Variants in ACTG1 observed in about 807,000 individuals in gnomAD.
The protein encoded by ACTG1 is actin, cytoplasmic 2.
A neutral mutation model predicts 34.3 loss-of-function variants in ACTG1; 14 were observed. The ratio of observed to expected loss-of-function variants is 0.41; its 90% CI spans 0.27 to 0.64. The LOEUF is 0.64. Among genes scored for constraint, ACTG1 ranks in the 30% least tolerant of loss-of-function variants. The pLI is 0.33. For synonymous variants in ACTG1, 422 were observed against 213.9 expected (o/e 1.97, Z -8.49); for missense variants, 233 against 529.5 (o/e 0.44, Z 5.50).
chr17:81,512,681 C>A (rs2031893912), intron 1 of ACTG1, 53 bp downstream of exon 1: 1 of 400,616 alleles, frequency 2.5e-6, no homozygotes, highest in Non-Finnish European at 4.7e-6. Flanking sequence ...CAGCCGGGGT[C>A]GGGGGGCGCA....
In ACTG1 at chr17:81,512,578, G is replaced by GGCGCCCCCCCA. The variant is rs2031884991; in HGVS notation, c.-7+145_-7+155dup. On this transcript the variant is annotated intron_variant, in intron 1 of 5. Coordinates refer to ENST00000573283, the MANE Select transcript of ACTG1 (RefSeq NM_001614.5). ...CGGCCGGGCCCCGCCCTGGACCCCC[G>GGCGCCCCCCCA]GCGCCCCCCCAGCCCCGTCCGCCTG... is the stretch of plus-strand genomic sequence containing the variant. The GGCGCCCCCCCA allele has an allele frequency of 2.9e-5, 21 of 729,484 alleles. No individual in the cohort carries two copies. In the East Asian group the frequency reaches 6.0e-4, roughly 21 times the overall value. 45.2% of individuals were successfully genotyped at this position (729,484 alleles called of 1,614,324 possible).
chr17:81,510,681 T>C lies in ACTG1; in HGVS notation c.*9A>G, dbSNP rs1334438057. ...CATGCAGCAAATGCTACGCATCTGC[T>C]GAGTCCGTTTAGAAGCATTTGCGGT... On this transcript the variant is annotated 3_prime_UTR_variant, in exon 6 of 6. Transcript: ENST00000573283. 1 of 1,613,914 alleles carries C rather than the reference T, an allele frequency of 6.2e-7. No homozygotes were observed. The highest frequency in any genetic ancestry group is 8.5e-7 in the Non-Finnish European group (1 of 1,179,978).
In ACTG1 at chr17:81,510,081, C is replaced by T. The variant is rs1444172034; in HGVS notation, c.*609G>A. 17 of 457,120 alleles carry T rather than the reference C, an allele frequency of 3.7e-5. No individual in the cohort carries two copies. The highest frequency in any genetic ancestry group is 6.9e-5 in the East Asian group (1 of 14,420). 28.3% of individuals were successfully genotyped at this position (457,120 alleles called of 1,614,324 possible). ...ATTTGTTGTCATCTCTTCAAAGAATCGAGAATTGCGTACAAAAAAAACCTT... is the reference window on the plus strand; with the variant it reads ...ATTTGTTGTCATCTCTTCAAAGAATTGAGAATTGCGTACAAAAAAAACCTT... On this transcript the variant is annotated 3_prime_UTR_variant, in exon 6 of 6. Coordinates refer to ENST00000573283, the MANE Select transcript of ACTG1 (RefSeq NM_001614.5).
At chr17:81,511,841 A>T in intron 3 of ACTG1, 62 bp downstream of exon 3, 1 of 1,609,956 alleles carries the variant, frequency 6.2e-7, no homozygotes, top group Non-Finnish European at 8.5e-7. Context: ...GTCAGAAATC[A>T]AGCCGGGCAG....
At chr17:81,511,154 G>GT (rs782716028) in intron 4 of ACTG1, 34 bp downstream of exon 4, 12 of 1,613,618 alleles carry the variant, frequency 7.4e-6, no homozygotes, top group African/African-American at 1.3e-5. Flanking sequence ...CACCGAGGAT[G>GT]TAAGAGTAGA....
chr17:81,511,397 T>TA lies in ACTG1; in HGVS notation c.592dup (p.Tyr198LeufsTer56). ...CCGCTCGGCCGTGGTGGTGAAGCTG[T>TA]AGCCTCGCTCAGTGAGGATCTTCAT... On this transcript the variant is annotated frameshift_variant, in exon 4 of 6. Coordinates refer to ENST00000573283, the MANE Select transcript of ACTG1 (RefSeq NM_001614.5). LOFTEE classifies it high-confidence loss of function. The TA allele has an allele frequency of 6.2e-7, 1 of 1,613,940 alleles. No homozygotes were observed. Among genetic ancestry groups the TA allele is most frequent in the East Asian group, 2.2e-5 (1 of 44,880 alleles).
Position 81,510,582 on chromosome 17 carries a change from G to T in ACTG1, c.*108C>A, listed in dbSNP as rs782660741. 19 of 1,400,684 alleles carry T rather than the reference G, an allele frequency of 1.4e-5. No homozygotes were observed. In the South Asian group the frequency reaches 2.2e-4, roughly 16 times the overall value. 86.8% of individuals were successfully genotyped at this position (1,400,684 alleles called of 1,614,324 possible). On this transcript the variant is annotated 3_prime_UTR_variant, in exon 6 of 6. Coordinates refer to ENST00000573283, the MANE Select transcript of ACTG1 (RefSeq NM_001614.5). ...CTTCAAGGACAATTTCTTTTCGAAG[G>T]CTTATTCCAGTTTCGTGAGGCTAGC...
In ACTG1 at chr17:81,510,026, AATG is replaced by A. The variant is rs1555665979; in HGVS notation, c.*661_*663del. ...ACACAATGACGTGTTGCTGGGGCCT[AATG>A]TTCTCACATAACAGTAGAAAACCAA... On this transcript the variant is annotated 3_prime_UTR_variant, in exon 6 of 6. Coordinates refer to ENST00000573283, the MANE Select transcript of ACTG1 (RefSeq NM_001614.5). 1 of 441,176 alleles carries A rather than the reference AATG, an allele frequency of 2.3e-6. No individual in the cohort carries two copies. The highest frequency in any genetic ancestry group is 2.0e-5 in the African/African-American group (1 of 49,062). 27.3% of individuals were successfully genotyped at this position (441,176 alleles called of 1,614,324 possible). A position where few individuals can be genotyped will look rare whatever the true frequency, so the allele number is the denominator to read the frequency against.
In ACTG1 at chr17:81,512,761, C is replaced by G. The variant is rs1038263082; in HGVS notation, c.-34G>C. 3 of 413,298 alleles carry G rather than the reference C, an allele frequency of 7.3e-6. No individual in the cohort carries two copies. Among genetic ancestry groups the G allele is most frequent in the African/African-American group, 2.2e-5 (1 of 45,528 alleles). The allele number at this position is 413,298 out of a possible 1,614,324, so 25.6% of individuals were successfully genotyped here. ...GCAGAGAAACGCGACGGCGGAGCGGCGGAAGAACAGAGTGCGAGAGCTGGC... is the reference window on the plus strand; with the variant it reads ...GCAGAGAAACGCGACGGCGGAGCGGGGGAAGAACAGAGTGCGAGAGCTGGC... On this transcript the variant is annotated 5_prime_UTR_variant, in exon 1 of 6. Transcript: ENST00000573283.
Position 81,512,256 on chromosome 17 carries a change from G to A in ACTG1, c.99C>T (p.Ser33=), listed in dbSNP as rs11549238. ...GDDAPRAVFP[S]IVGRPRHQGV... is the part of the protein sequence containing the mutation. ...CCTGGTGTCTGGGGCGCCCGACGAT[G>A]GAAGGAAACACGGCTCGGGGAGCGT... The change falls in exon 2 of 6, where the codon TCC becomes TCT. Residue 33 remains serine, a synonymous_variant. Transcript: ENST00000573283. The A allele has an allele frequency of 1.9e-5, 31 of 1,613,704 alleles. No homozygotes were observed. Among genetic ancestry groups the A allele is most frequent in the Non-Finnish European group, 2.3e-5 (27 of 1,179,976 alleles).
chr17:81,511,900 C>T lies in ACTG1; in HGVS notation c.363+3G>A, dbSNP rs199905564. 166 of 1,614,126 alleles carry T rather than the reference C, an allele frequency of 1.0e-4. No homozygotes were observed. The East Asian group carries it at 1.8e-3, about 17-fold the overall frequency. ...AGGAGCACGGGCGTCGGCCGAGCCT[C>T]ACCTGAGTCATCTTCTCTCTGTTGG... On this transcript the variant is annotated splice_donor_region_variant and intron_variant, in intron 3 of 5. Coordinates refer to ENST00000573283, the MANE Select transcript of ACTG1 (RefSeq NM_001614.5).
chr17:81,512,554 G>C (rs1249032076), intron 1 of ACTG1, 180 bp downstream of exon 1: 3 of 894,240 alleles, frequency 3.4e-6, no homozygotes, highest in Non-Finnish European at 5.1e-6. Flanking sequence ...TCTGCACTGC[G>C]GCCGGGCCCC....
At chr17:81,512,440 G>A (rs957866281) in intron 1 of ACTG1, 80 bp from the exon 2 acceptor site, 17 of 1,610,742 alleles carry the variant, frequency 1.1e-5, no homozygotes, top group African/African-American at 4.0e-5. Context: ...CCCTCCCGCG[G>A]GGAAGCCTCG....
Position 81,512,714 on chromosome 17 carries a change from C to A in ACTG1, c.-7+20G>T. ...GCAGGCCTGCGACGTCCAGCTCAGG[C>A]CCCGGGGCGGGGCGCTCACCGGCAG... On this transcript the variant is annotated intron_variant, in intron 1 of 5. Coordinates refer to ENST00000573283, the MANE Select transcript of ACTG1 (RefSeq NM_001614.5). 4.9e-6 allele frequency: 2 copies of A among 406,404 alleles called. No individual in the cohort carries two copies. The highest frequency in any genetic ancestry group is 9.4e-6 in the Non-Finnish European group (2 of 212,402). 25.2% of individuals were successfully genotyped at this position (406,404 alleles called of 1,614,324 possible). A position where few individuals can be genotyped will look rare whatever the true frequency, so the allele number is the denominator to read the frequency against.
chr17:81,511,670 C>G (rs528687538), intron 3 of ACTG1, 44 bp from the exon 4 acceptor site: 8 of 1,587,204 alleles, frequency 5.0e-6, no homozygotes, highest in Non-Finnish European at 6.9e-6. Flanking sequence ...CAGAGACCCA[C>G]GGCCACCCCA....
chr17:81,510,577 C>A lies in ACTG1; in HGVS notation c.*113G>T, dbSNP rs782815181. The A allele has an allele frequency of 1.5e-5, 20 of 1,371,802 alleles. No homozygotes were observed. The highest frequency in any genetic ancestry group is 1.4e-4 in the African/African-American group (10 of 69,982). 85.0% of individuals were successfully genotyped at this position (1,371,802 alleles called of 1,614,324 possible). On this transcript the variant is annotated 3_prime_UTR_variant, in exon 6 of 6. Coordinates refer to ENST00000573283, the MANE Select transcript of ACTG1 (RefSeq NM_001614.5). ...ACAAGCTTCAAGGACAATTTCTTTT[C>A]GAAGGCTTATTCCAGTTTCGTGAGG... is the stretch of plus-strand genomic sequence containing the variant.
intron 1 of ACTG1, 24 bp from the exon 2 acceptor site, chr17:81,512,384 G>A (rs782257883): frequency 6.2e-7 from 1 of 1,613,800 alleles, no homozygotes; most frequent in Admixed American, 1.7e-5. Flanking sequence ...GATGGACTCA[G>A]GCGGGCGCGT....
At chr17:81,511,727 A>G (rs782153737) in intron 3 of ACTG1, 101 bp from the exon 4 acceptor site, 3 of 1,518,250 alleles carry the variant, frequency 2.0e-6, no homozygotes, top group Admixed American at 1.9e-5. Flanking sequence ...TGTGTGGAGA[A>G]AAGAAAAGAA....
At position 81,510,801 on chromosome 17, in the gene ACTG1, C is replaced by G. The variant is rs111305526; in HGVS notation, c.1017G>C (p.Val339=). The stretch of plus-strand genomic sequence containing the variant: ...AGGCCAGGATGGAGCCACCGATCCA[C>G]ACCGAGTACTTGCGCTCTGGGGGTG... ...IIAPPERKYS[V]WIGGSILASL... is the part of the protein sequence containing the mutation. Residue 339 remains valine, a synonymous_variant, in exon 6 of 6, where the codon GTG becomes GTC. Transcript: ENST00000573283. The G allele has an allele frequency of 3.6e-4, 587 of 1,614,026 alleles. 4 individuals are homozygous for G. In the African/African-American group the frequency reaches 6.8e-3, roughly 19 times the overall value.
Sources: allele counts gnomAD v4.1 joint callset, GRCh38; gene constraint gnomAD v4.1.1; transcripts MANE v1.5; gene names NCBI Gene and HGNC (gene_info 2026-07-23, HGNC 2026-07-21).